The following PPM1D variants were observed in gnomAD, a reference collection of about 807,000 sequenced individuals.
The protein encoded by PPM1D is protein phosphatase, Mg2+/Mn2+ dependent 1D, also known as protein phosphatase 1D.
PPM1D carries 52 observed loss-of-function variants against 58.3 expected under a neutral mutation model. That is an observed-to-expected ratio of 0.89 (90% CI 0.71 to 1.12). The LOEUF is 1.12. Among genes scored for constraint, PPM1D ranks in the 50% most tolerant of loss-of-function variants. The pLI is 0.00. For missense variants in PPM1D, 564 were observed against 777.2 expected (o/e 0.73, Z 3.26); for synonymous variants, 278 against 285.1 (o/e 0.98, Z 0.25).
intron 4 of PPM1D, among the ~76,000 whole-genome samples, chr17:60,652,636 A>AG (rs1175175981): frequency 6.5e-5 from 9 of 138,790 alleles, no homozygotes; most frequent in African/African-American, 2.5e-4. Flanking sequence ...ACTAACACTG[A>AG]GGGTTCCCCT....
intron 3 of PPM1D, among the ~76,000 whole-genome samples, chr17:60,642,467 T>C (rs1374312826): frequency 6.7e-6 from 1 of 148,182 alleles, no homozygotes; most frequent in East Asian, 2.0e-4. Context: ...CCAAAGAAAA[T>C]CTTTTTTTTT....
chr17:60,625,469 C>G (rs2030788385), intron 2 of PPM1D, among the ~76,000 whole-genome samples: 1 of 152,124 alleles, frequency 6.6e-6, no homozygotes, highest in African/African-American at 2.4e-5. Flanking sequence ...ACAAAAATAT[C>G]TGAATAGAGT....
chr17:60,602,078 T>C (rs554610327), intron 1 of PPM1D, among the ~76,000 whole-genome samples: 4 of 152,360 alleles, frequency 2.6e-5, no homozygotes, highest in African/African-American at 7.2e-5. Flanking sequence ...CTGTTTTCCA[T>C]TTGCTTGGCT....
chr17:60,619,734 A>G (rs1251003429), intron 1 of PPM1D, among the ~76,000 whole-genome samples: 1 of 151,864 alleles, frequency 6.6e-6, no homozygotes, highest in Non-Finnish European at 1.5e-5. Context: ...CTGAGTAGCT[A>G]GGACTACAGA....
chr17:60,645,080 G>A (rs147901313), intron 3 of PPM1D, among the ~76,000 whole-genome samples: 138 of 152,220 alleles, frequency 9.1e-4, no homozygotes, highest in African/African-American at 3.1e-3. Context: ...GAGGCTGGGC[G>A]TGGTGTCTAA....
At chr17:60,654,436 G>A (rs1329489894) in intron 4 of PPM1D, among the ~76,000 whole-genome samples, 2 of 136,962 alleles carry the variant, frequency 1.5e-5, no homozygotes, top group South Asian at 2.4e-4. Flanking sequence ...CCCAGGAGGT[G>A]GAGACTGCAG....
rs150055145 is a variant in PPM1D at position 60,656,639 on chromosome 17, G to A, written c.1058G>A (p.Arg353Gln). 5.0e-5 allele frequency: 81 copies of A among 1,613,934 alleles called. No homozygotes were observed. Among genetic ancestry groups the A allele is most frequent in the Middle Eastern group, 3.3e-4 (2 of 6,082 alleles). ...TCTTGTGCCAAAATGCTTGTGAATCGAGCATTGGGCCGCTGGAGGCAGCGT... is the reference window on the plus strand; with the variant it reads ...TCTTGTGCCAAAATGCTTGTGAATCAAGCATTGGGCCGCTGGAGGCAGCGT... Reference protein sequence around the residue: ...GQSCAKMLVNRALGRWRQRML... With the variant: ...GQSCAKMLVNQALGRWRQRML... The change falls in exon 5 of 6, where the codon CGA becomes CAA. Residue 353 changes from arginine (R) to glutamine (Q), a missense_variant. Transcript: ENST00000305921.
intron 2 of PPM1D, among the ~76,000 whole-genome samples, chr17:60,631,398 G>T (rs2030917388): frequency 6.6e-6 from 1 of 152,102 alleles, no homozygotes; most frequent in East Asian, 1.9e-4. Context: ...TAGCACTTTG[G>T]GAGGCTGAGG....
Position 60,600,214 on chromosome 17 carries a change from G to C in PPM1D, c.-201G>C. ...GCGCAGTGCGCAGGCGCAACTGCCTGGCTCTGCTCGCTCCGGCGCTCCGGC... is the reference window on the plus strand; with the variant it reads ...GCGCAGTGCGCAGGCGCAACTGCCTCGCTCTGCTCGCTCCGGCGCTCCGGC... On this transcript the variant is annotated 5_prime_UTR_variant, in exon 1 of 6. Coordinates refer to ENST00000305921, the MANE Select transcript of PPM1D (RefSeq NM_003620.4). The C allele has an allele frequency of 9.4e-7, 1 of 1,066,026 alleles. No homozygotes were observed. The highest frequency in any genetic ancestry group is 1.3e-6 in the Non-Finnish European group (1 of 771,220). 66.0% of individuals were successfully genotyped at this position (1,066,026 alleles called of 1,614,324 possible).
At chr17:60,658,451 C>T (rs1015422413) in intron 5 of PPM1D, among the ~76,000 whole-genome samples, 1 of 149,164 alleles carries the variant, frequency 6.7e-6, no homozygotes, top group African/African-American at 2.5e-5. Flanking sequence ...GAGTTTGAGA[C>T]CAGACTGACC....
At position 60,600,420 on chromosome 17, in the gene PPM1D, G is replaced by C; in HGVS notation, c.6G>C (p.Ala2=). The C allele has an allele frequency of 6.5e-7, 1 of 1,548,372 alleles. No individual in the cohort carries two copies. The highest frequency in any genetic ancestry group is 8.7e-7 in the Non-Finnish European group (1 of 1,146,728). ...GGGATCCCGGCCAGCCGGCCATGGC[G>C]GGGCTGTACTCGCTGGGAGTGAGCG... M[A]GLYSLGVSVF... The change falls in exon 1 of 6, where the codon GCG becomes GCC. Residue 2 remains alanine, a synonymous_variant. Transcript: ENST00000305921.
At chr17:60,648,702 A>G (rs1035074191) in intron 4 of PPM1D, among the ~76,000 whole-genome samples, 6 of 150,938 alleles carry the variant, frequency 4.0e-5, no homozygotes, top group Non-Finnish European at 8.8e-5. Flanking sequence ...TTTAAAGTGT[A>G]TAATTCAGTG....
chr17:60,636,363 GT>G (rs1207886331), intron 3 of PPM1D, among the ~76,000 whole-genome samples: 2 of 152,188 alleles, frequency 1.3e-5, no homozygotes, highest in Non-Finnish European at 2.9e-5. Flanking sequence ...GCTAGGTACT[GT>G]TCCAGGTGCT....
At chr17:60,626,796 G>A (rs1032160872) in intron 2 of PPM1D, among the ~76,000 whole-genome samples, 1 of 152,040 alleles carries the variant, frequency 6.6e-6, no homozygotes, top group Non-Finnish European at 1.5e-5. Flanking sequence ...CTCCCACCTT[G>A]TCCTCCCAAA....
At chr17:60,624,080 A>T (rs966849316) in intron 2 of PPM1D, among the ~76,000 whole-genome samples, 1 of 152,194 alleles carries the variant, frequency 6.6e-6, no homozygotes, top group African/African-American at 2.4e-5. Context: ...AACACTTTGA[A>T]TCTGGCTGGG....
intron 1 of PPM1D, among the ~76,000 whole-genome samples, chr17:60,612,545 T>C (rs1280010267): frequency 1.3e-5 from 2 of 152,220 alleles, no homozygotes; most frequent in Non-Finnish European, 2.9e-5. Flanking sequence ...AGGAATTAAA[T>C]ACTATAAATA....
intron 3 of PPM1D, among the ~76,000 whole-genome samples, chr17:60,646,706 G>A (rs1167058106): frequency 6.6e-6 from 1 of 152,002 alleles, no homozygotes; most frequent in African/African-American, 2.4e-5. Context: ...TTATGGCCTG[G>A]GTCGACTAAA....
chr17:60,619,796 C>T (rs952479316), intron 1 of PPM1D, among the ~76,000 whole-genome samples: 8 of 151,846 alleles, frequency 5.3e-5, no homozygotes, highest in Non-Finnish European at 8.8e-5. Flanking sequence ...AGATGGGTCT[C>T]GTTATGTTGT....
rs1458620487 is a variant in PPM1D at position 60,646,288 on chromosome 17, CT to C, written c.827-1601del. Among the ~76,000 whole-genome samples the C allele has an allele frequency of 1.6e-4, 25 of 152,268 alleles. No individual in the cohort carries two copies. The Middle Eastern group carries it at 0.02, about 124-fold the overall frequency. On this transcript the variant is annotated intron_variant, in intron 3 of 5. Coordinates refer to ENST00000305921, the MANE Select transcript of PPM1D (RefSeq NM_003620.4). ...AGTCTGGTTAGCAATGATTTTGCTACTTTCAAGTGGGAGTAATTGACTTGAA... is the reference window on the plus strand; with the variant it reads ...AGTCTGGTTAGCAATGATTTTGCTACTTCAAGTGGGAGTAATTGACTTGAA...
Sources: gnomAD v4.1 joint callset for allele counts (sites outside exome capture counted in the v4.1 genomes callset) on GRCh38, gnomAD v4.1.1 for gene constraint, MANE v1.5 for transcripts, NCBI Gene and HGNC (gene_info 2026-07-23, HGNC 2026-07-21) for gene names.